Variants in CALD1 observed in about 807,000 individuals in gnomAD.
CALD1 encodes the protein caldesmon.
Under a neutral mutation model 99.9 loss-of-function variants are expected in CALD1, and 33 were observed. The ratio of observed to expected loss-of-function variants is 0.33; its 90% CI spans 0.25 to 0.44. The LOEUF is 0.44. Ranked by LOEUF, CALD1 falls within the 20% of genes least tolerant of loss-of-function variation. The probability of loss-of-function intolerance (pLI) is 1.00; values close to 1 mark genes in which losing one functional copy is unlikely to be tolerated. For synonymous variants in CALD1, 310 were observed against 325.0 expected (o/e 0.95, Z 0.50); for missense variants, 861 against 962.1 (o/e 0.89, Z 1.39).
chr7:134,947,378 A>T, intron 7 of CALD1, 130 bp from the exon 8 acceptor site: 1 of 908,432 alleles, frequency 1.1e-6, no homozygotes, highest in Non-Finnish European at 1.6e-6. Flanking sequence ...TCCCCAGCCT[A>T]CCCCCTGGGC....
intron 2 of CALD1, among the ~76,000 whole-genome samples, chr7:134,860,376 G>T (rs1480393317): frequency 6.6e-6 from 1 of 152,228 alleles, no homozygotes; most frequent in Non-Finnish European, 1.5e-5. Flanking sequence ...CAGTCGGAAA[G>T]AAAGTGCTGC....
intron 3 of CALD1, among the ~76,000 whole-genome samples, chr7:134,916,648 A>G (rs533543474): frequency 1.3e-5 from 2 of 152,284 alleles, no homozygotes; most frequent in African/African-American, 4.8e-5. Context: ...CTGCAATACC[A>G]CTTTCCCTTG....
chr7:134,773,780 TTC>T (rs1017350184), intron 1 of CALD1, among the ~76,000 whole-genome samples: 4 of 134,682 alleles, frequency 3.0e-5, no homozygotes, highest in Non-Finnish European at 6.3e-5. Flanking sequence ...CCAACCTCTC[TTC>T]TGTGTGTGTG....
chr7:134,715,463 A>G, the CALD1 span, among the ~76,000 whole-genome samples: 1 of 152,186 alleles, frequency 6.6e-6, no homozygotes. Context: ...ACGCTCCATT[A>G]AATTGCTGGG....
chr7:134,920,453 T>C, intron 3 of CALD1: 1 of 990,598 alleles, frequency 1.0e-6, no homozygotes. Context: ...GGGAATCAAA[T>C]AAAAGTAATT....
At chr7:134,805,968 C>T (rs990872136) in intron 1 of CALD1, among the ~76,000 whole-genome samples, 1 of 151,844 alleles carries the variant, frequency 6.6e-6, no homozygotes, top group African/African-American at 2.4e-5. Context: ...CCCATGTTGG[C>T]CAGGCTGGCC....
chr7:134,726,472 G>T, the CALD1 span, among the ~76,000 whole-genome samples: 79,518 of 119,348 alleles, frequency 0.67, 26,373 homozygotes, highest in East Asian at 0.92. Context: ...TATAGCTTTA[G>T]ATATATAATA....
chr7:134,765,960 C>A (rs930755545), intron 1 of CALD1, among the ~76,000 whole-genome samples: 1 of 151,916 alleles, frequency 6.6e-6, no homozygotes, highest in African/African-American at 2.4e-5. Flanking sequence ...CTCTCTCTCT[C>A]TCTCTTTCTC....
chr7:134,933,014 C>T lies in CALD1; in HGVS notation c.245C>T (p.Thr82Ile), dbSNP rs1317936908. The change falls in exon 5 of 15, where the codon ACC (threonine) becomes ATC (isoleucine). Residue 82 changes from threonine to isoleucine, a missense_variant. Physicochemically the swap from Thr to Ile is moderately conservative, Grantham distance 89 (BLOSUM62 -1). Transcript: ENST00000361675. ...NSVPDEEAKTTTTNTQVEGDD... is the reference protein window; with the variant it reads ...NSVPDEEAKTITTNTQVEGDD... ...GTGCCTGACGAGGAGGCCAAGACAA[C>T]CACCACAAACACTCAAGTGGAAGGG... 6.2e-7 allele frequency: 1 copy of T among 1,610,584 alleles called. No individual in the cohort carries two copies. Among genetic ancestry groups the T allele is most frequent in the Admixed American group, 1.7e-5 (1 of 59,164 alleles).
Position 134,933,885 on chromosome 7 carries a change from G to A in CALD1, c.1116G>A (p.Arg372=). Residue 372 remains arginine (R), a synonymous_variant, in exon 5 of 15, where the codon AGG becomes AGA. Coordinates refer to ENST00000361675, the MANE Select transcript of CALD1 (RefSeq NM_033138.4). ...EEKRAAEERQ[R]ARAEEEEKAK... ...AAAGGGCAGCAGAGGAGAGGCAAAG[G>A]GCCAGGGCAGAGGAGGAAGAGAAGG... 6.2e-7 allele frequency: 1 copy of A among 1,613,764 alleles called. No homozygotes were observed. The highest frequency in any genetic ancestry group is 8.5e-7 in the Non-Finnish European group (1 of 1,179,802).
At chr7:134,767,951 C>T (rs1796841511) in intron 1 of CALD1, among the ~76,000 whole-genome samples, 1 of 152,230 alleles carries the variant, frequency 6.6e-6, no homozygotes, top group African/African-American at 2.4e-5. Context: ...ACTCTAGCCA[C>T]AGCTTTGCAT....
intron 1 of CALD1, among the ~76,000 whole-genome samples, chr7:134,800,182 C>T (rs1382563798): frequency 6.6e-6 from 1 of 152,038 alleles, no homozygotes; most frequent in Non-Finnish European, 1.5e-5. Flanking sequence ...GTATTTAATA[C>T]AAATGTTTTG....
intron 2 of CALD1, among the ~76,000 whole-genome samples, chr7:134,865,908 T>C (rs1228037356): frequency 6.6e-6 from 1 of 152,244 alleles, no homozygotes; most frequent in Non-Finnish European, 1.5e-5. Flanking sequence ...TTCAAGCTAC[T>C]TGGATAAATT....
At chr7:134,864,028 C>A (rs1341039393) in intron 2 of CALD1, among the ~76,000 whole-genome samples, 3 of 152,158 alleles carry the variant, frequency 2.0e-5, no homozygotes, top group African/African-American at 7.2e-5. Context: ...ATGCCAATCC[C>A]CTGGGCCGCA....
Position 134,933,340 on chromosome 7 carries a change from G to C in CALD1, c.571G>C (p.Glu191Gln). 1.2e-6 allele frequency: 2 copies of C among 1,603,202 alleles called. No homozygotes were observed. Among genetic ancestry groups the C allele is most frequent in the Non-Finnish European group, 8.5e-7 (1 of 1,174,602 alleles). ...EENKKEDKEK[E>Q]EEEEEKPKRG... ...AAACAAGAAAGAAGACAAGGAAAAG[G>C]AGGAGGAGGAAGAGGAGAAGCCAAA... Residue 191 changes from glutamate (E) to glutamine (Q), a missense_variant, in exon 5 of 15, where the codon GAG becomes CAG. Physicochemically the swap from Glu to Gln is conservative, Grantham distance 29 (BLOSUM62 2). Transcript: ENST00000361675.
intron 1 of CALD1, among the ~76,000 whole-genome samples, chr7:134,763,570 G>T (rs927803847): frequency 2.0e-5 from 3 of 152,136 alleles, no homozygotes; most frequent in African/African-American, 7.2e-5. Context: ...GAGAGGGGCT[G>T]TCCACTGGAG....
intron 14 of CALD1, among the ~76,000 whole-genome samples, chr7:134,967,425 T>C (rs1017993582): frequency 6.6e-6 from 1 of 152,256 alleles, no homozygotes; most frequent in South Asian, 2.1e-4. Context: ...AAATTGGAAT[T>C]CACAACACTT....
chr7:134,815,676 C>T (rs1798533663), intron 1 of CALD1, among the ~76,000 whole-genome samples: 3 of 152,032 alleles, frequency 2.0e-5, no homozygotes, highest in Admixed American at 1.3e-4. Flanking sequence ...TTTTACCTAT[C>T]TTCTGGAAGC....
intron 7 of CALD1, 42 bp from the exon 8 acceptor site, chr7:134,947,466 G>GC: frequency 6.5e-7 from 1 of 1,543,710 alleles, no homozygotes; most frequent in Non-Finnish European, 8.8e-7. Flanking sequence ...GAGACTACAG[G>GC]CAAAAGCATG....
Sources: gnomAD v4.1 joint callset for allele counts (sites outside exome capture counted in the v4.1 genomes callset) on GRCh38, gnomAD v4.1.1 for gene constraint, MANE v1.5 for transcripts, NCBI Gene and HGNC (gene_info 2026-07-23, HGNC 2026-07-21) for gene names.